GALNTL6: variants seen among roughly 807,000 people sequenced by gnomAD.
GALNTL6 encodes polypeptide N-acetylgalactosaminyltransferase-like 6.
Under a neutral mutation model 73.7 loss-of-function variants are expected in GALNTL6, and 46 were observed. The observed-to-expected ratio is 0.62, with a 90% confidence interval of 0.49 to 0.80. The LOEUF (loss-of-function observed/expected upper bound fraction) is 0.80. Among genes scored for constraint, GALNTL6 ranks in the 30% least tolerant of loss-of-function variants. The probability of loss-of-function intolerance (pLI) is 0.00; values close to 1 mark genes in which losing one functional copy is unlikely to be tolerated. For synonymous variants in GALNTL6, 259 were observed against 263.7 expected (o/e 0.98, Z 0.17); for missense variants, 604 against 755.0 (o/e 0.80, Z 2.34).
At chr4:172,733,352 C>A (rs1352065897) in intron 5 of GALNTL6, among the ~76,000 whole-genome samples, 2 of 152,128 alleles carry the variant, frequency 1.3e-5, no homozygotes, top group Non-Finnish European at 2.9e-5. Flanking sequence ...TTAGGATCTT[C>A]TCTTTGCCCT....
chr4:172,049,589 G>A (rs952508290), intron 2 of GALNTL6, among the ~76,000 whole-genome samples: 1 of 152,196 alleles, frequency 6.6e-6, no homozygotes, highest in Non-Finnish European at 1.5e-5. Flanking sequence ...CGGGTGGAAA[G>A]ATTGATTTCT....
intron 11 of GALNTL6, among the ~76,000 whole-genome samples, chr4:173,020,002 T>G (rs976642385): frequency 6.6e-6 from 1 of 152,160 alleles, no homozygotes; most frequent in Non-Finnish European, 1.5e-5. Context: ...ATCCACAGGG[T>G]TTCCCTGACA....
At chr4:173,009,104 A>G in intron 10 of GALNTL6, 74 bp from the exon 11 acceptor site, 1 of 951,394 alleles carries the variant, frequency 1.1e-6, no homozygotes, top group Non-Finnish European at 1.7e-6. Context: ...TACTTAATCT[A>G]CACCATGGTT....
At chr4:172,817,736 A>G (rs1457673900) in intron 7 of GALNTL6, among the ~76,000 whole-genome samples, 3 of 152,182 alleles carry the variant, frequency 2.0e-5, no homozygotes, top group African/African-American at 7.2e-5. Flanking sequence ...AATTCCCTTC[A>G]ATGTGAGCAA....
intron 7 of GALNTL6, among the ~76,000 whole-genome samples, chr4:172,848,037 A>C (rs1314390118): frequency 6.6e-6 from 1 of 152,208 alleles, no homozygotes; most frequent in Non-Finnish European, 1.5e-5. Flanking sequence ...ACAAAGGTGA[A>C]GGTGACACCC....
At chr4:172,782,500 AT>A (rs546042698) in intron 5 of GALNTL6, among the ~76,000 whole-genome samples, 250 of 152,258 alleles carry the variant, frequency 1.6e-3, no homozygotes, top group Non-Finnish European at 3.0e-3. Flanking sequence ...GGTATTATCA[AT>A]TCAGTAGGTG....
At chr4:172,730,308 A>G (rs1162338373) in intron 5 of GALNTL6, among the ~76,000 whole-genome samples, 1 of 152,190 alleles carries the variant, frequency 6.6e-6, no homozygotes, top group Non-Finnish European at 1.5e-5. Context: ...GTCTTGTTCC[A>G]AGTCTTTAGA....
intron 5 of GALNTL6, among the ~76,000 whole-genome samples, chr4:172,641,474 A>T (rs1268392575): frequency 6.6e-6 from 1 of 151,908 alleles, no homozygotes; most frequent in Non-Finnish European, 1.5e-5. Flanking sequence ...CCTAAAACAC[A>T]CCAGTCATGC....
chr4:172,781,199 A>T (rs4696028), intron 5 of GALNTL6, among the ~76,000 whole-genome samples: 66,199 of 152,044 alleles, frequency 0.44, 17,270 homozygotes, highest in East Asian at 0.72. Context: ...AGAACCTTAA[A>T]TGCTACCCAG....
chr4:172,824,643 A>T (rs1742137758), intron 7 of GALNTL6, among the ~76,000 whole-genome samples: 1 of 151,970 alleles, frequency 6.6e-6, no homozygotes, highest in Admixed American at 6.6e-5. Context: ...TCTGGCTTTG[A>T]GTCTATGCTG....
At chr4:173,000,658 T>C (rs1241577446) in intron 10 of GALNTL6, among the ~76,000 whole-genome samples, 2 of 152,160 alleles carry the variant, frequency 1.3e-5, no homozygotes, top group Non-Finnish European at 2.9e-5. Flanking sequence ...CAAAACTTAA[T>C]ACAAAGCTAC....
At chr4:172,741,207 C>A (rs1469206379) in intron 5 of GALNTL6, among the ~76,000 whole-genome samples, 1 of 152,072 alleles carries the variant, frequency 6.6e-6, no homozygotes, top group Non-Finnish European at 1.5e-5. Context: ...TCATTTGAAC[C>A]TAACAGTTTG....
intron 5 of GALNTL6, among the ~76,000 whole-genome samples, chr4:172,516,055 G>T (rs1734597508): frequency 6.6e-6 from 1 of 152,064 alleles, no homozygotes; most frequent in South Asian, 2.1e-4. Context: ...AAATATTTTT[G>T]TTTAAATCAC....
intron 3 of GALNTL6, among the ~76,000 whole-genome samples, chr4:172,270,478 T>A (rs565859554): frequency 6.6e-6 from 1 of 152,290 alleles, no homozygotes; most frequent in South Asian, 2.1e-4. Context: ...ACACCTCATC[T>A]ATCTTGGCTT....
At chr4:172,724,993 T>A (rs931445139) in intron 5 of GALNTL6, among the ~76,000 whole-genome samples, 1 of 152,138 alleles carries the variant, frequency 6.6e-6, no homozygotes, top group African/African-American at 2.4e-5. Context: ...TCACATGCAA[T>A]GGAAGTCTTC....
chr4:172,991,422 A>G (rs1751534794), intron 10 of GALNTL6, among the ~76,000 whole-genome samples: 1 of 151,880 alleles, frequency 6.6e-6, no homozygotes, highest in South Asian at 2.1e-4. Context: ...GTTTTGAGAC[A>G]GAGTCTTGCT....
At chr4:172,202,067 G>C (rs1350432998) in intron 2 of GALNTL6, among the ~76,000 whole-genome samples, 2 of 152,220 alleles carry the variant, frequency 1.3e-5, no homozygotes, top group East Asian at 3.9e-4. Context: ...AGGGAAAAGA[G>C]TGAGGCATTA....
chr4:172,998,752 A>G (rs1751906742), intron 10 of GALNTL6, among the ~76,000 whole-genome samples: 2 of 152,038 alleles, frequency 1.3e-5, no homozygotes, highest in Non-Finnish European at 2.9e-5. Context: ...AGGCTTCTTT[A>G]TGATTTCTTC....
At chr4:172,424,444 G>C (rs1731156958) in intron 5 of GALNTL6, among the ~76,000 whole-genome samples, 1 of 152,082 alleles carries the variant, frequency 6.6e-6, no homozygotes, top group African/African-American at 2.4e-5. Flanking sequence ...ACAGAAATTT[G>C]TAATAACTGT....
Sources: gnomAD v4.1 joint callset for allele counts (sites outside exome capture counted in the v4.1 genomes callset) on GRCh38, gnomAD v4.1.1 for gene constraint, MANE v1.5 for transcripts, NCBI Gene and HGNC (gene_info 2026-07-23, HGNC 2026-07-21) for gene names.